Variants in HIVEP2 observed in about 807,000 individuals in gnomAD.
The protein encoded by HIVEP2 is HIVEP zinc finger 2, also known as transcription factor HIVEP2.
In HIVEP2, 14 loss-of-function variants were observed where a neutral mutation model predicts 180.7. The ratio of observed to expected loss-of-function variants is 0.08; its 90% CI spans 0.05 to 0.12. HIVEP2 has a LOEUF of 0.12. Among genes scored for constraint, HIVEP2 ranks in the 10% least tolerant of loss-of-function variants. The probability of loss-of-function intolerance (pLI) is 1.00; values close to 1 mark genes in which losing one functional copy is unlikely to be tolerated. For synonymous variants in HIVEP2, 1,184 were observed against 1,136.4 expected, an observed-to-expected ratio of 1.04 and a Z score of -0.84; for missense variants, 2,579 against 3,008.5, an observed-to-expected ratio of 0.86 and a Z score of 3.34.
In HIVEP2 at chr6:142,759,928, C is replaced by T. The variant is rs762008627; in HGVS notation, c.6360G>A (p.Gly2120=). 3 of 1,613,954 alleles carry T rather than the reference C, an allele frequency of 1.9e-6. No individual in the cohort carries two copies. The highest frequency in any genetic ancestry group is 1.3e-5 in the African/African-American group (1 of 74,876). The change falls in exon 9 of 10, where the codon GGG becomes GGA. Residue 2120 remains glycine, a synonymous_variant. Coordinates refer to ENST00000367603, the MANE Select transcript of HIVEP2 (RefSeq NM_006734.4). ...GGTCTCTTCTTGCTGTGATATCTTT[C>T]CCAGGAGACACTGGCCTCCTTGGAG... ...HLSPRRPVSP[G]KDITARRDLS... is the part of the protein sequence containing the mutation.
chr6:142,789,115 T>C lies in HIVEP2; in HGVS notation c.-527-5500A>G, dbSNP rs1215415720. On this transcript the variant is annotated intron_variant, in intron 2 of 9. Coordinates refer to ENST00000367603, the MANE Select transcript of HIVEP2 (RefSeq NM_006734.4). Reference sequence around the variant, plus strand: ...GAATAAGGTGTTCTAGTTAATACAATCTTATGGTTAGGTAAAGACCACAGA... The same window carrying C: ...GAATAAGGTGTTCTAGTTAATACAACCTTATGGTTAGGTAAAGACCACAGA... Among the ~76,000 whole-genome samples the C allele has an allele frequency of 2.6e-5, 4 of 152,226 alleles. No individual in the cohort carries two copies. In the East Asian group the frequency reaches 5.8e-4, roughly 22 times the overall value.
At chr6:142,911,947 T>C (rs578084142) in intron 1 of HIVEP2, among the ~76,000 whole-genome samples, 3 of 152,326 alleles carry the variant, frequency 2.0e-5, no homozygotes, top group South Asian at 4.2e-4. Context: ...CTAGTACTTA[T>C]GGCTAATGAT....
chr6:142,757,797 T>C (rs1226418605), intron 9 of HIVEP2, among the ~76,000 whole-genome samples: 1 of 152,252 alleles, frequency 6.6e-6, no homozygotes, highest in Non-Finnish European at 1.5e-5. Context: ...AAAAATCAGA[T>C]GAACTCCCTT....
intron 1 of HIVEP2, among the ~76,000 whole-genome samples, chr6:142,902,042 C>A (rs917646832): frequency 6.6e-5 from 10 of 152,022 alleles, no homozygotes; most frequent in African/African-American, 2.4e-4. Flanking sequence ...AATAAATATC[C>A]ATGAGTCCAC....
intron 2 of HIVEP2, among the ~76,000 whole-genome samples, chr6:142,814,275 T>C (rs745692044): frequency 2.0e-5 from 3 of 152,106 alleles, no homozygotes; most frequent in Non-Finnish European, 4.4e-5. Context: ...TGGGAATAAA[T>C]AAATGTTGGT....
At chr6:142,779,973 T>G (rs1384467712) in intron 3 of HIVEP2, among the ~76,000 whole-genome samples, 1 of 152,184 alleles carries the variant, frequency 6.6e-6, no homozygotes, top group Non-Finnish European at 1.5e-5. Flanking sequence ...GACCATTAAG[T>G]TAATTGTTTA....
Position 142,753,461 on chromosome 6 carries a change from A to G in HIVEP2, c.6987T>C (p.Cys2329=), listed in dbSNP as rs2114583307. 1.2e-6 allele frequency: 2 copies of G among 1,613,936 alleles called. No individual in the cohort carries two copies. Among genetic ancestry groups the G allele is most frequent in the Non-Finnish European group, 1.7e-6 (2 of 1,180,024 alleles). The change falls in exon 10 of 10, where the codon TGT becomes TGC. Residue 2329 remains cysteine, a synonymous_variant. Coordinates refer to ENST00000367603, the MANE Select transcript of HIVEP2 (RefSeq NM_006734.4). ...EREQEENIQT[C]TKAIASLRIA... Reference sequence around the variant, plus strand: ...TCCGGAGAGAGGCAATGGCTTTTGTACAAGTCTGTATATTTTCCTCCTGTT... The same window carrying G: ...TCCGGAGAGAGGCAATGGCTTTTGTGCAAGTCTGTATATTTTCCTCCTGTT...
chr6:142,848,675 A>G (rs888253328), intron 1 of HIVEP2, among the ~76,000 whole-genome samples: 1 of 152,010 alleles, frequency 6.6e-6, no homozygotes, highest in African/African-American at 2.4e-5. Context: ...GTGAGCTGTG[A>G]TTGTGCCACT....
chr6:142,794,123 T>G (rs954960647), intron 2 of HIVEP2: 1 of 152,192 alleles, frequency 6.6e-6, no homozygotes, highest in African/African-American at 2.4e-5. Context: ...GGCTGACTGA[T>G]AGAAAGCTAA....
At chr6:142,819,465 A>G (rs1776971642) in intron 2 of HIVEP2, among the ~76,000 whole-genome samples, 1 of 152,164 alleles carries the variant, frequency 6.6e-6, no homozygotes, top group Non-Finnish European at 1.5e-5. Flanking sequence ...TCCAAAAGGA[A>G]AAATACTTTT....
intron 2 of HIVEP2, among the ~76,000 whole-genome samples, chr6:142,816,385 C>T (rs931305107): frequency 1.6e-4 from 24 of 152,226 alleles, no homozygotes; most frequent in African/African-American, 5.8e-4. Flanking sequence ...CTTATATTTC[C>T]TTAATTCATC....
At chr6:142,759,635 C>T (rs1362813347) in intron 9 of HIVEP2, 137 bp downstream of exon 9, 11 of 700,444 alleles carry the variant, frequency 1.6e-5, no homozygotes, top group Non-Finnish European at 2.4e-5. Flanking sequence ...AAAAATGTCT[C>T]CCCGCTATTT....
intron 1 of HIVEP2, among the ~76,000 whole-genome samples, chr6:142,904,974 T>TC (rs913981805): frequency 2.0e-5 from 3 of 152,204 alleles, no homozygotes; most frequent in African/African-American, 7.2e-5. Flanking sequence ...GTATGACTCC[T>TC]CTCCTTTTAA....
intron 1 of HIVEP2, among the ~76,000 whole-genome samples, chr6:142,894,325 A>G (rs187122300): frequency 7.9e-5 from 12 of 152,294 alleles, no homozygotes; most frequent in Non-Finnish European, 1.6e-4. Flanking sequence ...TATAGTTTTA[A>G]TTAATTTCAA....
chr6:142,796,365 C>A (rs1384536926), intron 2 of HIVEP2, among the ~76,000 whole-genome samples: 7 of 152,116 alleles, frequency 4.6e-5, no homozygotes, highest in Non-Finnish European at 7.4e-5. Flanking sequence ...TACTAATAAA[C>A]TACTGTTGAA....
chr6:142,872,096 C>A (rs138185134), intron 1 of HIVEP2, among the ~76,000 whole-genome samples: 27 of 152,246 alleles, frequency 1.8e-4, no homozygotes, highest in African/African-American at 6.5e-4. Context: ...GCGTAGGTAT[C>A]AGCTGATGTC....
At chr6:142,896,028 T>G (rs1002960061) in intron 1 of HIVEP2, among the ~76,000 whole-genome samples, 1 of 152,162 alleles carries the variant, frequency 6.6e-6, no homozygotes, top group African/African-American at 2.4e-5. Context: ...TAATAGAAAT[T>G]ATTTAATTAC....
chr6:142,899,192 T>G (rs1777070406), intron 1 of HIVEP2, among the ~76,000 whole-genome samples: 1 of 152,196 alleles, frequency 6.6e-6, no homozygotes, highest in Non-Finnish European at 1.5e-5. Flanking sequence ...TGCTCACAAA[T>G]GCATCTCTCT....
rs139270038 is a variant in HIVEP2 at position 142,758,944 on chromosome 6, C to T, written c.6516+828G>A. Among the ~76,000 whole-genome samples, 419 of 152,258 alleles carry T rather than the reference C, an allele frequency of 2.8e-3. 2 individuals carry two copies. The highest frequency in any genetic ancestry group is 9.2e-3 in the African/African-American group (381 of 41,544). On this transcript the variant is annotated intron_variant, in intron 9 of 9. Transcript: ENST00000367603. ...CATGCCGAGTGTGTCATTCTCTCCT[C>T]TCCCTGGCCCTGACCAGTTTCACAT... is the stretch of plus-strand genomic sequence containing the variant.
Sources: allele counts gnomAD v4.1 joint callset (sites outside exome capture counted in the v4.1 genomes callset), GRCh38; gene constraint gnomAD v4.1.1; transcripts MANE v1.5; gene names NCBI Gene and HGNC (gene_info 2026-07-23, HGNC 2026-07-21).